The following PDE1A variants were observed in gnomAD, a reference collection of about 807,000 sequenced individuals.
The protein encoded by PDE1A is dual specificity calcium/calmodulin-dependent 3',5'-cyclic nucleotide phosphodiesterase 1A.
Under a neutral mutation model 61.7 loss-of-function variants are expected in PDE1A, and 35 were observed. That is an observed-to-expected ratio of 0.57 (90% CI 0.43 to 0.75). PDE1A has a LOEUF of 0.75. Ranked by LOEUF, PDE1A falls within the 30% of genes least tolerant of loss-of-function variation. The probability of loss-of-function intolerance (pLI) is 0.00; values close to 1 mark genes in which losing one functional copy is unlikely to be tolerated. For synonymous variants in PDE1A, 232 were observed against 213.2 expected (o/e 1.09, Z -0.77); for missense variants, 597 against 630.6 (o/e 0.95, Z 0.57).
At chr2:182,564,289 T>G in the PDE1A span, among the ~76,000 whole-genome samples, 9 of 152,248 alleles carry the variant, frequency 5.9e-5, no homozygotes, top group East Asian at 7.7e-4. Flanking sequence ...GTCTGTAAAG[T>G]ATTTTATTTC....
intron 3 of PDE1A, among the ~76,000 whole-genome samples, chr2:182,238,266 C>CA (rs3063250): frequency 0.013 from 1,316 of 98,040 alleles, 61 homozygotes; most frequent in African/African-American, 0.034. Context: ...CAGACTACGT[C>CA]AAAAAAAAAA....
intron 8 of PDE1A, among the ~76,000 whole-genome samples, chr2:182,205,004 T>G (rs1686981039): frequency 6.6e-6 from 1 of 152,222 alleles, no homozygotes; most frequent in Non-Finnish European, 1.5e-5. Flanking sequence ...ATTTTTATCT[T>G]TTACGTTTTT....
At chr2:182,205,222 A>G (rs1686998559) in intron 8 of PDE1A, among the ~76,000 whole-genome samples, 1 of 152,194 alleles carries the variant, frequency 6.6e-6, no homozygotes, top group Non-Finnish European at 1.5e-5. Flanking sequence ...TATTAGGGAC[A>G]TATACTAAGA....
the PDE1A span, among the ~76,000 whole-genome samples, chr2:182,700,205 A>C: frequency 6.6e-6 from 1 of 152,210 alleles, no homozygotes; most frequent in African/African-American, 2.4e-5. Context: ...AATTGTAAGA[A>C]CATCTTACTC....
At chr2:182,516,702 G>GAGGAATGAAGGAAGGAAGGAAGGAAGGA (rs1690181413) in intron 2 of PDE1A, among the ~76,000 whole-genome samples, 1 of 116,764 alleles carries the variant, frequency 8.6e-6, no homozygotes, top group Non-Finnish European at 1.7e-5. Flanking sequence ...GGGAGGAAGG[G>GAGGAATGAAGGAAGGAAGGAAGGAAGGA]AGGAAGGAAG....
Position 182,185,383 on chromosome 2 carries a change from T to C in PDE1A, c.1516+509A>G, listed in dbSNP as rs781678136. On this transcript the variant is annotated intron_variant, in intron 13 of 13. Coordinates refer to ENST00000351439, the Ensembl canonical transcript of PDE1A. Reference sequence around the variant, plus strand: ...GCAGCTAATATGTCAGAAATAACTGTAGCTACCTTCCCATGCGATTGCTGT... The same window carrying C: ...GCAGCTAATATGTCAGAAATAACTGCAGCTACCTTCCCATGCGATTGCTGT... Among the ~76,000 whole-genome samples, 13 of 152,216 alleles carry C rather than the reference T, an allele frequency of 8.5e-5. 1 individual carries two copies. The highest frequency in any genetic ancestry group is 7.9e-4 in the Admixed American group (12 of 15,268).
chr2:182,679,005 C>CTT, the PDE1A span, among the ~76,000 whole-genome samples: 1,492 of 127,608 alleles, frequency 0.012, 34 homozygotes, highest in African/African-American at 0.015. Context: ...TTTGGTTTCT[C>CTT]TTTTTTTTTT....
intron 2 of PDE1A, among the ~76,000 whole-genome samples, chr2:182,489,253 T>G (rs1267184217): frequency 6.6e-6 from 1 of 152,080 alleles, no homozygotes; most frequent in East Asian, 1.9e-4. Flanking sequence ...AGAAAGCCAG[T>G]GTGGATGGAG....
chr2:182,479,575 T>G (rs996054932), intron 2 of PDE1A, among the ~76,000 whole-genome samples: 105 of 151,736 alleles, frequency 6.9e-4, no homozygotes, highest in African/African-American at 2.2e-3. Flanking sequence ...TTAGGACACA[T>G]GACTGATTTT....
intron 1 of PDE1A, among the ~76,000 whole-genome samples, chr2:182,392,224 G>A (rs1701461987): frequency 6.6e-6 from 1 of 152,176 alleles, no homozygotes; most frequent in Admixed American, 6.5e-5. Flanking sequence ...CACAATCATG[G>A]CAGAAGGCAA....
At chr2:182,336,772 TATATAA>T (rs1446772010) in intron 1 of PDE1A, among the ~76,000 whole-genome samples, 212 of 80,576 alleles carry the variant, frequency 2.6e-3, no homozygotes, top group Non-Finnish European at 4.3e-3. Flanking sequence ...TATATATATA[TATATAA>T]GTCCCTATGA....
At chr2:182,202,360 TTCAG>T (rs1215448718) in intron 8 of PDE1A, among the ~76,000 whole-genome samples, 1 of 152,242 alleles carries the variant, frequency 6.6e-6, no homozygotes, top group African/African-American at 2.4e-5. Context: ...GTGCTATTCA[TTCAG>T]TATTTATTCA....
At chr2:182,155,562 G>A (rs1691032875) in intron 13 of PDE1A, among the ~76,000 whole-genome samples, 2 of 152,092 alleles carry the variant, frequency 1.3e-5, no homozygotes, top group East Asian at 1.9e-4. Context: ...GTTTGGCTGT[G>A]TCCCCACCTA....
intron 1 of PDE1A, among the ~76,000 whole-genome samples, chr2:182,277,616 A>G (rs541798486): frequency 6.6e-6 from 1 of 152,194 alleles, no homozygotes; most frequent in African/African-American, 2.4e-5. Flanking sequence ...TCTTAAACAT[A>G]AAATAATGTA....
At chr2:182,467,957 G>A (rs1686780673) in intron 2 of PDE1A, among the ~76,000 whole-genome samples, 1 of 151,910 alleles carries the variant, frequency 6.6e-6, no homozygotes, top group East Asian at 1.9e-4. Context: ...ATAACATTAT[G>A]CCTAAAAAAC....
intron 1 of PDE1A, among the ~76,000 whole-genome samples, chr2:182,346,475 T>C (rs1698526815): frequency 6.6e-6 from 1 of 152,206 alleles, no homozygotes; most frequent in African/African-American, 2.4e-5. Context: ...CTGAGTACCA[T>C]GTCAGGAACT....
At chr2:182,350,670 C>T (rs1574423582) in intron 1 of PDE1A, among the ~76,000 whole-genome samples, 1 of 152,182 alleles carries the variant, frequency 6.6e-6, no homozygotes, top group Admixed American at 6.5e-5. Context: ...CCAGATTCCT[C>T]ATTCACAGTC....
chr2:182,485,956 A>G (rs1687996322), intron 2 of PDE1A, among the ~76,000 whole-genome samples: 1 of 151,998 alleles, frequency 6.6e-6, no homozygotes, highest in South Asian at 2.1e-4. Flanking sequence ...AGGTCTACCC[A>G]CTACACTTAG....
At chr2:182,583,451 G>A in the PDE1A span, among the ~76,000 whole-genome samples, 3 of 152,142 alleles carry the variant, frequency 2.0e-5, no homozygotes, top group South Asian at 2.1e-4. Flanking sequence ...GAAGCCATCC[G>A]TCCAAAATGC....
Sources: gnomAD v4.1 joint callset for allele counts (sites outside exome capture counted in the v4.1 genomes callset) on GRCh38, gnomAD v4.1.1 for gene constraint, MANE v1.5 for transcripts, NCBI Gene and HGNC (gene_info 2026-07-23, HGNC 2026-07-21) for gene names.